AFG2A: variants seen among roughly 807,000 people sequenced by gnomAD.
AFG2A encodes ATPase family gene 2 protein homolog A.
At chr4:123,167,207 T>C in the AFG2A span, among the ~76,000 whole-genome samples, 1 of 148,440 alleles carries the variant, frequency 6.7e-6, no homozygotes, top group East Asian at 1.9e-4. Flanking sequence ...ATATTATATA[T>C]ATTTGATATA....
At chr4:123,003,590 G>A in the AFG2A span, among the ~76,000 whole-genome samples, 4 of 152,238 alleles carry the variant, frequency 2.6e-5, no homozygotes, top group African/African-American at 9.6e-5. Context: ...TGTTTGCCTG[G>A]GTATCAGCAG....
chr4:123,273,047 T>G, the AFG2A span, among the ~76,000 whole-genome samples: 1 of 152,152 alleles, frequency 6.6e-6, no homozygotes, highest in South Asian at 2.1e-4. Flanking sequence ...TGAAGGAGAC[T>G]TTATTCTCTT....
chr4:123,290,965 C>T, the AFG2A span, among the ~76,000 whole-genome samples: 1 of 152,140 alleles, frequency 6.6e-6, no homozygotes, highest in Admixed American at 6.5e-5. Context: ...TTTTATGAAT[C>T]TGGGAGCCCT....
the AFG2A span, among the ~76,000 whole-genome samples, chr4:123,182,277 T>C: frequency 6.6e-6 from 1 of 152,218 alleles, no homozygotes; most frequent in Non-Finnish European, 1.5e-5. Flanking sequence ...TAAAAACCAC[T>C]AACTAGTAAG....
At chr4:123,230,627 A>G in the AFG2A span, among the ~76,000 whole-genome samples, 25 of 152,108 alleles carry the variant, frequency 1.6e-4, no homozygotes, top group Admixed American at 1.3e-3. Context: ...CTGAGTCATG[A>G]ATGTTCTTAA....
chr4:123,281,656 G>T, the AFG2A span, among the ~76,000 whole-genome samples: 1 of 152,098 alleles, frequency 6.6e-6, no homozygotes. Flanking sequence ...TTAAACAAAT[G>T]AATGACACTA....
the AFG2A span, among the ~76,000 whole-genome samples, chr4:123,181,070 C>T: frequency 4.6e-5 from 7 of 151,380 alleles, no homozygotes; most frequent in African/African-American, 9.7e-5. Flanking sequence ...CTGCAAACTC[C>T]GCCTCCCAGG....
chr4:123,295,015 G>C, the AFG2A span, among the ~76,000 whole-genome samples: 3 of 152,160 alleles, frequency 2.0e-5, no homozygotes, highest in African/African-American at 7.2e-5. Flanking sequence ...GCCCATGATT[G>C]CTGCTTCTGA....
At chr4:123,082,779 T>C in the AFG2A span, among the ~76,000 whole-genome samples, 1 of 152,230 alleles carries the variant, frequency 6.6e-6, no homozygotes, top group South Asian at 2.1e-4. Flanking sequence ...CTTAACAGTG[T>C]TGAGTCTTCC....
chr4:122,975,061 A>G, the AFG2A span, among the ~76,000 whole-genome samples: 1 of 152,212 alleles, frequency 6.6e-6, no homozygotes, highest in East Asian at 1.9e-4. Flanking sequence ...GACCCAATTT[A>G]TCATCGTCTT....
At chr4:122,935,679 A>T in the AFG2A span, 1 of 1,521,264 alleles carries the variant, frequency 6.6e-7, no homozygotes, top group Non-Finnish European at 8.8e-7. Flanking sequence ...AAACCTAGTA[A>T]TGGTGAATCT....
chr4:122,947,303 G>A, the AFG2A span: 7 of 1,613,412 alleles, frequency 4.3e-6, no homozygotes, highest in Admixed American at 1.7e-5. Context: ...GCTGCTCTCC[G>A]AAGACCTGGG....
the AFG2A span, among the ~76,000 whole-genome samples, chr4:123,186,796 T>C: frequency 6.6e-6 from 1 of 152,104 alleles, no homozygotes; most frequent in Non-Finnish European, 1.5e-5. Context: ...GAGGGTTGTT[T>C]CTAAGAAGTT....
chr4:123,024,227 C>CAAAAAAAAAAAAAAAAAAA, the AFG2A span, among the ~76,000 whole-genome samples: 3 of 123,660 alleles, frequency 2.4e-5, no homozygotes, highest in East Asian at 4.6e-4. Flanking sequence ...AGACTATAAG[C>CAAAAAAAAAAAAAAAAAAA]AAAAAAAAAA....
the AFG2A span, among the ~76,000 whole-genome samples, chr4:123,236,348 G>A: frequency 6.6e-6 from 1 of 152,098 alleles, no homozygotes; most frequent in South Asian, 2.1e-4. Context: ...TTCTAGGTTT[G>A]GCTTCAAAAG....
the AFG2A span, among the ~76,000 whole-genome samples, chr4:123,008,666 G>A: frequency 1.3e-5 from 2 of 151,992 alleles, no homozygotes; most frequent in Admixed American, 6.6e-5. Context: ...GGAAAAAAAA[G>A]CTTATTAAGA....
the AFG2A span, among the ~76,000 whole-genome samples, chr4:123,285,835 TA>T: frequency 6.6e-6 from 1 of 151,980 alleles, no homozygotes; most frequent in Non-Finnish European, 1.5e-5. Context: ...AAATTGGGGG[TA>T]GGGGGAAGGA....
the AFG2A span, among the ~76,000 whole-genome samples, chr4:123,162,451 A>T: frequency 1.3e-5 from 2 of 152,186 alleles, no homozygotes; most frequent in Non-Finnish European, 2.9e-5. Context: ...TTTAAAAGGG[A>T]AAATTAATAG....
chr4:123,220,164 C>T, the AFG2A span, among the ~76,000 whole-genome samples: 15 of 152,078 alleles, frequency 9.9e-5, no homozygotes, highest in African/African-American at 2.4e-4. Flanking sequence ...CCACTGCACC[C>T]GGCAGAAAAT....
Sources: allele counts gnomAD v4.1 joint callset (sites outside exome capture counted in the v4.1 genomes callset), GRCh38; gene constraint gnomAD v4.1.1; transcripts MANE v1.5; gene names NCBI Gene and HGNC (gene_info 2026-07-23, HGNC 2026-07-21).